Variants in RPSA observed in about 807,000 individuals in gnomAD.
The protein encoded by RPSA is small ribosomal subunit protein uS2.
For synonymous variants in RPSA, 103 were observed against 126.7 expected (o/e 0.81, Z 1.25); for missense variants, 140 against 372.8 (o/e 0.38, Z 5.14).
At chr3:39,410,327 A>G (rs2041987059) in intron 3 of RPSA, 3 of 194,672 alleles carry the variant, frequency 1.5e-5, no homozygotes, top group Non-Finnish European at 3.3e-5. Flanking sequence ...AAAATTATGT[A>G]GTAAGACTTT....
intron 1 of RPSA, 149 bp from the exon 2 acceptor site, chr3:39,407,472 A>G: frequency 1.4e-6 from 1 of 705,990 alleles, no homozygotes; most frequent in Non-Finnish European, 2.6e-6. Context: ...GTAATACACG[A>G]CATGTATGGG....
At chr3:39,409,019 A>G (rs2041963246) in intron 3 of RPSA, 2 of 314,226 alleles carry the variant, frequency 6.4e-6, no homozygotes, top group South Asian at 6.8e-5. Context: ...CGGTGGGCGG[A>G]GCTTGCAGTG....
rs1344450896 is a variant in RPSA at position 39,407,732 on chromosome 3, G to A, written c.79G>A (p.Gly27Ser). Residue 27 changes from glycine to serine, a missense_variant, in exon 2 of 7, where the codon GGC becomes AGC. Transcript: ENST00000301821. Reference sequence around the variant, plus strand: ...CCTTGCAGCAGGAACCCACTTAGGTGGCACCAATCTTGACTTCCAGATGGA... The same window carrying A: ...CCTTGCAGCAGGAACCCACTTAGGTAGCACCAATCTTGACTTCCAGATGGA... Reference protein sequence around the residue: ...KFLAAGTHLGGTNLDFQMEQY... With the variant: ...KFLAAGTHLGSTNLDFQMEQY... 2 of 1,595,788 alleles carry A rather than the reference G, an allele frequency of 1.3e-6. No individual in the cohort carries two copies. Among genetic ancestry groups the A allele is most frequent in the Non-Finnish European group, 1.7e-6 (2 of 1,177,394 alleles).
Position 39,411,762 on chromosome 3 carries a change from C to T in RPSA, c.612C>T (p.Tyr204=), listed in dbSNP as rs752489427. 7.5e-6 allele frequency: 12 copies of T among 1,599,824 alleles called. No homozygotes were observed. Among genetic ancestry groups the T allele is most frequent in the Non-Finnish European group, 9.3e-6 (11 of 1,179,940 alleles). Reference sequence around the variant, plus strand: ...AGGTCATGCCTGATCTGTACTTCTACAGAGATCCTGAAGAGGTAAGCTTCT... The same window carrying T: ...AGGTCATGCCTGATCTGTACTTCTATAGAGATCCTGAAGAGGTAAGCTTCT... ...PWEVMPDLYF[Y]RDPEEIEKEE... is the part of the protein sequence containing the mutation. The change falls in exon 5 of 7, where the codon TAC becomes TAT. Residue 204 remains tyrosine (Y), a synonymous_variant. Transcript: ENST00000301821.
At chr3:39,411,389 AT>A (rs2042003637) in intron 4 of RPSA, 1 of 562,470 alleles carries the variant, frequency 1.8e-6, no homozygotes, top group East Asian at 3.2e-5. Context: ...AGATTGGTTG[AT>A]TTGTAACCCT....
rs17856149 is a variant in RPSA, at chr3:39,407,761, G to C, written c.108G>C (p.Gln36His). Residue 36 changes from glutamine to histidine, a missense_variant, in exon 2 of 7, where the codon CAG (glutamine) becomes CAC (histidine). Coordinates refer to ENST00000301821, the MANE Select transcript of RPSA (RefSeq NM_002295.6). ...GGTNLDFQME[Q>H]YIYKRKSDGI... ...CCAATCTTGACTTCCAGATGGAACA[G>C]TACATCTATAAAAGGAAAAGTGATG... 2 of 1,597,612 alleles carry C rather than the reference G, an allele frequency of 1.3e-6. No homozygotes were observed. The highest frequency in any genetic ancestry group is 1.7e-6 in the Non-Finnish European group (2 of 1,179,060).
chr3:39,411,062 T>G (rs1361876293), intron 4 of RPSA, 63 bp downstream of exon 4: 1 of 1,578,362 alleles, frequency 6.3e-7, no homozygotes, highest in Non-Finnish European at 8.6e-7. Flanking sequence ...CCTGTGCACA[T>G]TGTTAGAGCT....
At chr3:39,411,145 G>A (rs374937402) in intron 4 of RPSA, 146 bp downstream of exon 4, 10 of 947,192 alleles carry the variant, frequency 1.1e-5, no homozygotes, top group East Asian at 4.8e-5. Context: ...GCAAGTTTTC[G>A]CTAACACCAC....
intron 2 of RPSA, chr3:39,408,164 A>G: frequency 2.7e-6 from 1 of 368,348 alleles, no homozygotes; most frequent in Non-Finnish European, 5.2e-6. Flanking sequence ...GAACCAGAGG[A>G]TGGAAGGCAT....
intron 1 of RPSA, chr3:39,407,102 C>A (rs1462291859): frequency 9.4e-6 from 4 of 424,120 alleles, no homozygotes; most frequent in Non-Finnish European, 9.3e-6. Context: ...GGCCCAGGCG[C>A]TGATTTACAC....
chr3:39,409,492 C>T (rs1355060581), intron 3 of RPSA, among the ~76,000 whole-genome samples: 3 of 152,216 alleles, frequency 2.0e-5, no homozygotes, highest in Non-Finnish European at 2.9e-5. Context: ...TAAGCCACTG[C>T]GCCCAGCCTG....
chr3:39,407,240 C>T (rs2041932526), intron 1 of RPSA, among the ~76,000 whole-genome samples: 1 of 152,208 alleles, frequency 6.6e-6, no homozygotes, highest in African/African-American at 2.4e-5. Context: ...CTACAATCTG[C>T]TTGAAAATGT....
In RPSA at chr3:39,407,749, C is replaced by T; in HGVS notation, c.96C>T (p.Phe32=). ...GTHLGGTNLD[F]QMEQYIYKRK... Reference sequence around the variant, plus strand: ...ACTTAGGTGGCACCAATCTTGACTTCCAGATGGAACAGTACATCTATAAAA... The same window carrying T: ...ACTTAGGTGGCACCAATCTTGACTTTCAGATGGAACAGTACATCTATAAAA... The change falls in exon 2 of 7, where the codon TTC becomes TTT. Residue 32 remains phenylalanine (F), a synonymous_variant. Coordinates refer to ENST00000301821, the MANE Select transcript of RPSA (RefSeq NM_002295.6). 2 of 1,597,494 alleles carry T rather than the reference C, an allele frequency of 1.3e-6. No homozygotes were observed. The highest frequency in any genetic ancestry group is 8.5e-7 in the Non-Finnish European group (1 of 1,178,938).
chr3:39,407,584 A>G, intron 1 of RPSA, 37 bp from the exon 2 acceptor site: 1 of 1,510,666 alleles, frequency 6.6e-7, no homozygotes, highest in Non-Finnish European at 9.1e-7. Flanking sequence ...ACTTAACTCA[A>G]TGGAATGAAA....
chr3:39,408,773 G>T (rs1330720044), intron 3 of RPSA, 49 bp downstream of exon 3: 2 of 1,014,680 alleles, frequency 2.0e-6, no homozygotes, highest in Admixed American at 3.5e-5. Flanking sequence ...AAAGCTTACA[G>T]ACATTGTGAG....
chr3:39,410,938 C>T lies in RPSA; in HGVS notation c.437C>T (p.Ala146Val). Residue 146 changes from alanine to valine, a missense_variant, in exon 4 of 7, where the codon GCG becomes GTG. Transcript: ENST00000301821. ...TCTTATGTTAACCTACCTACCATTG[C>T]GCTGTGTAACACAGATTCTCCTCTG... The part of the protein sequence containing the change: ...EASYVNLPTI[A>V]LCNTDSPLRY... 1 of 1,594,294 alleles carries T rather than the reference C, an allele frequency of 6.3e-7. No individual in the cohort carries two copies. The highest frequency in any genetic ancestry group is 8.5e-7 in the Non-Finnish European group (1 of 1,174,942).
Position 39,408,828 on chromosome 3 carries a change from G to C in RPSA, c.252+104G>C, listed in dbSNP as rs140509784. Reference sequence around the variant, plus strand: ...AACAGAAATAACTCAGGCCGGGCGCGGTGGCTACGCCTGTAATCCCAGCAC... The same window carrying C: ...AACAGAAATAACTCAGGCCGGGCGCCGTGGCTACGCCTGTAATCCCAGCAC... On this transcript the variant is annotated intron_variant, in intron 3 of 6. Transcript: ENST00000301821. The C allele has an allele frequency of 1.8e-5, 14 of 784,912 alleles. No homozygotes were observed. In the South Asian group the frequency reaches 1.8e-4, roughly 10 times the overall value. The allele number at this position is 784,912 out of a possible 1,614,324, so 48.6% of individuals were successfully genotyped here.
chr3:39,408,499 G>C (rs770875444), intron 2 of RPSA, 107 bp from the exon 3 acceptor site: 4 of 794,464 alleles, frequency 5.0e-6, no homozygotes, highest in South Asian at 1.3e-5. Context: ...AGTAGAGCTT[G>C]CCTCTATGAC....
At position 39,407,908 on chromosome 3, in the gene RPSA, G is replaced by A. The variant is rs1230591379; in HGVS notation, c.133+122G>A. On this transcript the variant is annotated intron_variant, in intron 2 of 6. Coordinates refer to ENST00000301821, the MANE Select transcript of RPSA (RefSeq NM_002295.6). ...TCCTTAAATGAAGCCAGACCCCTAC[G>A]TTGAAAACATACTTTAAATAAATGT... 1.6e-5 allele frequency: 11 copies of A among 689,678 alleles called. No individual in the cohort carries two copies. In the East Asian group the frequency reaches 2.7e-4, roughly 17 times the overall value. The allele number at this position is 689,678 out of a possible 1,614,324, so 42.7% of individuals were successfully genotyped here.
Sources: gnomAD v4.1 joint callset for allele counts (sites outside exome capture counted in the v4.1 genomes callset) on GRCh38, gnomAD v4.1.1 for gene constraint, MANE v1.5 for transcripts, NCBI Gene and HGNC (gene_info 2026-07-23, HGNC 2026-07-21) for gene names.